Variants in SNCAIP observed in about 807,000 individuals in gnomAD.
SNCAIP encodes the protein synuclein alpha interacting protein.
Under a neutral mutation model 86.7 loss-of-function variants are expected in SNCAIP, and 43 were observed. The ratio of observed to expected loss-of-function variants is 0.50; its 90% CI spans 0.39 to 0.64. The LOEUF is 0.64. Ranked by LOEUF, SNCAIP falls within the 30% of genes least tolerant of loss-of-function variation. SNCAIP has a pLI of 0.00. For synonymous variants in SNCAIP, 417 were observed against 427.2 expected, an observed-to-expected ratio of 0.98 and a Z score of 0.29; for missense variants, 981 against 1,103.1, an observed-to-expected ratio of 0.89 and a Z score of 1.57.
intron 10 of SNCAIP, chr5:122,452,944 T>C: frequency 6.5e-7 from 1 of 1,548,778 alleles, no homozygotes; most frequent in Non-Finnish European, 8.7e-7. Flanking sequence ...AGCAGCTGCA[T>C]CAATCTTTCC....
chr5:122,396,619 G>T (rs1178878177), intron 2 of SNCAIP, among the ~76,000 whole-genome samples: 1 of 152,136 alleles, frequency 6.6e-6, no homozygotes, highest in African/African-American at 2.4e-5. Flanking sequence ...TATCAGACTT[G>T]GTTCTAAGCT....
chr5:122,353,164 T>C lies in SNCAIP; in HGVS notation c.-46-37925T>C, dbSNP rs531078058. On this transcript the variant is annotated intron_variant, in intron 1 of 10. Transcript: ENST00000261368. Reference sequence around the variant, plus strand: ...GAAGGAATTAAAAATTACAACAGTGTGGATAAGTCTTCCAAATATTATGTT... The same window carrying C: ...GAAGGAATTAAAAATTACAACAGTGCGGATAAGTCTTCCAAATATTATGTT... Among the ~76,000 whole-genome samples the C allele has an allele frequency of 6.6e-5, 10 of 152,252 alleles. No homozygotes were observed. The South Asian group carries it at 1.7e-3, about 25-fold the overall frequency.
At chr5:122,408,518 G>A (rs985585383) in intron 3 of SNCAIP, among the ~76,000 whole-genome samples, 1 of 152,210 alleles carries the variant, frequency 6.6e-6, no homozygotes, top group Admixed American at 6.5e-5. Context: ...CTCCTTAGGA[G>A]TGCCCTTTCT....
rs1448455273 is a variant in SNCAIP at position 122,378,902 on chromosome 5, TCTGTTTTGGTACCAGTACCATG to T, written c.-46-12174_-46-12153del. Among the ~76,000 whole-genome samples, 39 of 145,386 alleles carry T rather than the reference TCTGTTTTGGTACCAGTACCATG, an allele frequency of 2.7e-4. 3 individuals carry two copies. The highest frequency in any genetic ancestry group is 9.0e-4 in the African/African-American group (35 of 38,788). Reference sequence around the variant, plus strand: ...CTGTTCTGTTCCATTCATCTATATCTCTGTTTTGGTACCAGTACCATGCTGTTTTGGTACTGTAGCCTTGTAG... The same window carrying T: ...CTGTTCTGTTCCATTCATCTATATCTCTGTTTTGGTACTGTAGCCTTGTAG... On this transcript the variant is annotated intron_variant, in intron 1 of 10. Coordinates refer to ENST00000261368, the MANE Select transcript of SNCAIP (RefSeq NM_005460.4).
rs1441930987 is a variant in SNCAIP, at chr5:122,464,071, C to T, written c.*575C>T. 6.6e-6 allele frequency: 1 copy of T among 152,150 alleles called. No individual in the cohort carries two copies. 9.4% of individuals were successfully genotyped at this position (152,150 alleles called of 1,614,324 possible). A position where few individuals can be genotyped will look rare whatever the true frequency, so the allele number is the denominator to read the frequency against. On this transcript the variant is annotated 3_prime_UTR_variant, in exon 11 of 11. Transcript: ENST00000261368. ...TTAACAGCCACCTATAAGCTTGGGG[C>T]ACCTACTTTCTAACAAATCTGTGAT...
intron 6 of SNCAIP, among the ~76,000 whole-genome samples, chr5:122,434,040 T>C (rs1405254067): frequency 6.6e-6 from 1 of 152,176 alleles, no homozygotes; most frequent in African/African-American, 2.4e-5. Flanking sequence ...TATTGGGCCA[T>C]AACCCCATTG....
intron 1 of SNCAIP, among the ~76,000 whole-genome samples, chr5:122,323,551 G>A (rs1291280719): frequency 6.6e-6 from 1 of 152,198 alleles, no homozygotes; most frequent in African/African-American, 2.4e-5. Flanking sequence ...TGGAAGCACA[G>A]GTGTGTGCAC....
intron 1 of SNCAIP, chr5:122,389,561 A>G (rs1331245139): frequency 6.6e-6 from 1 of 152,226 alleles, no homozygotes; most frequent in Non-Finnish European, 1.5e-5. Context: ...ATTGAAGAAA[A>G]GTGACATTTT....
intron 1 of SNCAIP, among the ~76,000 whole-genome samples, chr5:122,343,557 C>T (rs1044423616): frequency 6.6e-6 from 1 of 152,164 alleles, no homozygotes; most frequent in African/African-American, 2.4e-5. Flanking sequence ...AATGAATCAT[C>T]ACTGCTATGC....
rs1273316108 is a variant in SNCAIP, at chr5:122,432,001, G to A, written c.1215G>A (p.Val405=). 3 of 1,603,290 alleles carry A rather than the reference G, an allele frequency of 1.9e-6. No homozygotes were observed. The highest frequency in any genetic ancestry group is 2.7e-5 in the African/African-American group (2 of 74,664). The change falls in exon 6 of 11, where the codon GTG becomes GTA. Residue 405 remains valine (V), a synonymous_variant. Transcript: ENST00000261368. Reference sequence around the variant, plus strand: ...AGTTGGAGTGCGTACGCTGGATGGTGAGCGAAACAGAAGCCATTGCAGAAC... The same window carrying A: ...AGTTGGAGTGCGTACGCTGGATGGTAAGCGAAACAGAAGCCATTGCAGAAC... ...NGQLECVRWM[V]SETEAIAELS...
intron 3 of SNCAIP, among the ~76,000 whole-genome samples, chr5:122,405,590 C>T (rs1772805168): frequency 6.6e-6 from 1 of 152,172 alleles, no homozygotes; most frequent in African/African-American, 2.4e-5. Context: ...ATTCAAACCC[C>T]AGGAAGTCTA....
At chr5:122,360,301 A>G (rs1761954939) in intron 1 of SNCAIP, among the ~76,000 whole-genome samples, 1 of 152,178 alleles carries the variant, frequency 6.6e-6, no homozygotes, top group Non-Finnish European at 1.5e-5. Context: ...AATGGAATAG[A>G]ATGCCTGATG....
At chr5:122,332,911 A>T (rs1561527016) in intron 1 of SNCAIP, among the ~76,000 whole-genome samples, 1 of 152,172 alleles carries the variant, frequency 6.6e-6, no homozygotes. Flanking sequence ...CTTATTTCAG[A>T]CTCTGAGAAC....
chr5:122,345,602 A>T (rs1272581131), intron 1 of SNCAIP, among the ~76,000 whole-genome samples: 1 of 152,106 alleles, frequency 6.6e-6, no homozygotes, highest in Non-Finnish European at 1.5e-5. Context: ...TCTGTACAGC[A>T]TTATTCCCAT....
At chr5:122,384,457 A>C (rs571294754) in intron 1 of SNCAIP, among the ~76,000 whole-genome samples, 36 of 152,080 alleles carry the variant, frequency 2.4e-4, no homozygotes, top group Non-Finnish European at 5.0e-4. Flanking sequence ...AGTAGGAGAG[A>C]AAAATACTAG....
Position 122,423,497 on chromosome 5 carries a change from C to G in SNCAIP, c.760C>G (p.Gln254Glu). 6.2e-7 allele frequency: 1 copy of G among 1,614,150 alleles called. No individual in the cohort carries two copies. Among genetic ancestry groups the G allele is most frequent in the East Asian group, 2.2e-5 (1 of 44,884 alleles). Residue 254 changes from glutamine to glutamate, a missense_variant, in exon 4 of 11, where the codon CAG (glutamine) becomes GAG (glutamate). Gln to Glu is a conservative substitution (Grantham distance 29). Coordinates refer to ENST00000261368, the MANE Select transcript of SNCAIP (RefSeq NM_005460.4). ...KCGSAYEPEN[Q>E]SKDFLNKTFS... is the part of the protein sequence containing the mutation. Reference sequence around the variant, plus strand: ...TGGCTCTGCATATGAGCCTGAAAACCAGAGTAAAGACTTCCTAAACAAGAC... The same window carrying G: ...TGGCTCTGCATATGAGCCTGAAAACGAGAGTAAAGACTTCCTAAACAAGAC...
rs779671939 is a variant in SNCAIP, at chr5:122,451,589, A to C, written c.2742A>C (p.Gly914=). 8.7e-6 allele frequency: 14 copies of C among 1,606,536 alleles called. No homozygotes were observed. Among genetic ancestry groups the C allele is most frequent in the Non-Finnish European group, 1.1e-5 (13 of 1,173,260 alleles). The change falls in exon 10 of 11, where the codon GGA becomes GGC. Residue 914 remains glycine, a synonymous_variant. Transcript: ENST00000261368. The part of the protein sequence containing the change: ...KGNPASSASK[G]KNKAA ...ACCCTGCCAGCTCCGCTAGCAAAGGAAAGAATAAGGCAGTAAGTGCTATTT... is the reference window on the plus strand; with the variant it reads ...ACCCTGCCAGCTCCGCTAGCAAAGGCAAGAATAAGGCAGTAAGTGCTATTT...
chr5:122,385,843 AACTT>A (rs1165265355), intron 1 of SNCAIP, among the ~76,000 whole-genome samples: 1 of 152,184 alleles, frequency 6.6e-6, no homozygotes, highest in East Asian at 1.9e-4. Context: ...TGACAAATCC[AACTT>A]ACTTTTAATT....
chr5:122,324,506 T>A (rs1753626539), intron 1 of SNCAIP, among the ~76,000 whole-genome samples: 2 of 152,254 alleles, frequency 1.3e-5, no homozygotes, highest in African/African-American at 4.8e-5. Flanking sequence ...GTATGATCAG[T>A]ATATGTCTGT....
Sources: gnomAD v4.1 joint callset for allele counts (sites outside exome capture counted in the v4.1 genomes callset) on GRCh38, gnomAD v4.1.1 for gene constraint, MANE v1.5 for transcripts, NCBI Gene and HGNC (gene_info 2026-07-23, HGNC 2026-07-21) for gene names.